Variants in DPYD observed in about 807,000 individuals in gnomAD.
The protein encoded by DPYD is dihydropyrimidine dehydrogenase [NADP(+)].
A neutral mutation model predicts 116.2 loss-of-function variants in DPYD; 109 were observed. The ratio of observed to expected loss-of-function variants is 0.94; its 90% confidence interval spans 0.80 to 1.10. DPYD has a LOEUF of 1.10. Ranked by LOEUF, DPYD falls within the 50% of genes least tolerant of loss-of-function variation. The pLI is 0.00. For synonymous variants in DPYD, 440 were observed against 432.0 expected, an observed-to-expected ratio of 1.02 and a Z score of -0.23; for missense variants, 1,302 against 1,254.5, an observed-to-expected ratio of 1.04 and a Z score of -0.57.
At chr1:97,658,643 G>T (rs1240527992) in intron 8 of DPYD, among the ~76,000 whole-genome samples, 1 of 151,984 alleles carries the variant, frequency 6.6e-6, no homozygotes, top group African/African-American at 2.4e-5. Flanking sequence ...TCACTCTCCT[G>T]CACTGTATAA....
In DPYD at chr1:97,156,175, A is replaced by C. The variant is rs141472558; in HGVS notation, c.2622+36894T>G. ...AATCTGTAGTTATTTGAAATGAATA[A>C]ATTTTTTTTACCTTGGATTAGAGAA... On this transcript the variant is annotated intron_variant, in intron 20 of 22. Transcript: ENST00000370192. Among the ~76,000 whole-genome samples the C allele has an allele frequency of 9.0e-3, 1,373 of 152,006 alleles. 19 individuals carry two copies. Among genetic ancestry groups the C allele is most frequent in the African/African-American group, 0.032 (1,308 of 41,332 alleles).
At chr1:97,333,643 C>T (rs949720658) in intron 16 of DPYD, among the ~76,000 whole-genome samples, 7 of 151,070 alleles carry the variant, frequency 4.6e-5, no homozygotes, top group Non-Finnish European at 8.8e-5. Context: ...GCCTCAGCCT[C>T]CCGAGTAGCC....
At chr1:97,633,630 G>A (rs1271910047) in intron 8 of DPYD, among the ~76,000 whole-genome samples, 1 of 152,036 alleles carries the variant, frequency 6.6e-6, no homozygotes, top group Admixed American at 6.6e-5. Flanking sequence ...TCTGTCAAGG[G>A]GGCCTGCAAA....
At chr1:97,210,962 T>C (rs1659994091) in intron 19 of DPYD, among the ~76,000 whole-genome samples, 1 of 152,176 alleles carries the variant, frequency 6.6e-6, no homozygotes. Context: ...GAATCAATCA[T>C]GGTCTCTCAC....
At chr1:97,704,480 G>A (rs1661789801) in intron 5 of DPYD, among the ~76,000 whole-genome samples, 1 of 151,944 alleles carries the variant, frequency 6.6e-6, no homozygotes, top group African/African-American at 2.4e-5. Context: ...ACAAAAGTTA[G>A]TTAAAACAAA....
intron 6 of DPYD, among the ~76,000 whole-genome samples, chr1:97,695,721 A>C (rs1464096437): frequency 6.6e-6 from 1 of 152,090 alleles, no homozygotes; most frequent in Non-Finnish European, 1.5e-5. Flanking sequence ...GGAGTTGTTG[A>C]AAGATTTCAA....
chr1:97,882,721 A>C (rs80016823), intron 2 of DPYD, among the ~76,000 whole-genome samples: 2,368 of 152,120 alleles, frequency 0.016, 38 homozygotes, highest in Non-Finnish European at 0.025. Context: ...ATAATCTCAG[A>C]GAAATGCTGT....
At chr1:97,237,799 C>T (rs964206726) in intron 18 of DPYD, among the ~76,000 whole-genome samples, 87 of 152,298 alleles carry the variant, frequency 5.7e-4, no homozygotes, top group African/African-American at 2.0e-3. Flanking sequence ...GGCTTCTTTA[C>T]ATACACACTA....
chr1:97,508,980 T>C (rs1647571017), intron 13 of DPYD, among the ~76,000 whole-genome samples: 1 of 151,782 alleles, frequency 6.6e-6, no homozygotes, highest in African/African-American at 2.4e-5. Flanking sequence ...GATAAGACCA[T>C]ACGGAGATAC....
chr1:97,719,754 T>C (rs1357627192), intron 5 of DPYD: 1 of 984,984 alleles, frequency 1.0e-6, no homozygotes, highest in Admixed American at 6.2e-5. Context: ...ACAAAAAGCT[T>C]TTCTCAGTAG....
chr1:97,830,715 A>AG (rs906092575), intron 2 of DPYD, among the ~76,000 whole-genome samples: 3 of 151,968 alleles, frequency 2.0e-5, no homozygotes, highest in African/African-American at 7.3e-5. Flanking sequence ...CTCAAAAAAA[A>AG]AAAAAAAGAG....
rs142619737 is a variant in DPYD at position 97,515,851 on chromosome 1, C to T, written c.1615G>A (p.Gly539Arg). The T allele has an allele frequency of 1.0e-4, 169 of 1,612,792 alleles. No individual in the cohort carries two copies. The African/African-American group carries it at 2.0e-3, about 19-fold the overall frequency. ...CCAAAAGGATTTATAAACTTCAATC[C>T]GGCCATTTCTACACTAATGTCCACC... ...DLVDISVEMAGLKFINPFGLA... is the reference protein window; with the variant it reads ...DLVDISVEMARLKFINPFGLA... The change falls in exon 13 of 23, where the codon GGA (glycine) becomes AGA (arginine). Residue 539 changes from glycine to arginine, a missense_variant. Coordinates refer to ENST00000370192, the MANE Select transcript of DPYD (RefSeq NM_000110.4).
At chr1:97,316,500 C>T (rs1035875647) in intron 16 of DPYD, among the ~76,000 whole-genome samples, 2 of 113,008 alleles carry the variant, frequency 1.8e-5, no homozygotes, top group African/African-American at 5.4e-5. Context: ...GGAGACAGAG[C>T]AAGACTCTGT....
chr1:97,918,599 T>C lies in DPYD; in HGVS notation c.39+2285A>G, dbSNP rs560207635. Among the ~76,000 whole-genome samples, 3 of 152,296 alleles carry C rather than the reference T, an allele frequency of 2.0e-5. No homozygotes were observed. In the South Asian group the frequency reaches 6.2e-4, roughly 32 times the overall value. On this transcript the variant is annotated intron_variant, in intron 1 of 22. Coordinates refer to ENST00000370192, the MANE Select transcript of DPYD (RefSeq NM_000110.4). ...TCCTGATGTGATATTGGATTCAGAC[T>C]AGAAATTATGAAGCAGGCACACAAA...
At chr1:97,106,784 T>C (rs1413427542) in intron 20 of DPYD, among the ~76,000 whole-genome samples, 2 of 151,960 alleles carry the variant, frequency 1.3e-5, no homozygotes, top group African/African-American at 4.8e-5. Flanking sequence ...CTGGCCTCTA[T>C]AACAACGTGA....
At chr1:97,309,849 A>G (rs985224384) in intron 16 of DPYD, among the ~76,000 whole-genome samples, 2 of 151,808 alleles carry the variant, frequency 1.3e-5, no homozygotes, top group African/African-American at 2.4e-5. Flanking sequence ...TAATTCTAGT[A>G]ACTACTCTGT....
chr1:97,624,996 T>G (rs2100779475), intron 8 of DPYD, among the ~76,000 whole-genome samples: 1 of 152,144 alleles, frequency 6.6e-6, no homozygotes, highest in Middle Eastern at 3.4e-3. Context: ...GGGTAAAATC[T>G]CAGACCATAA....
chr1:97,242,190 A>G (rs1662421634), intron 18 of DPYD, among the ~76,000 whole-genome samples: 1 of 127,512 alleles, frequency 7.8e-6, no homozygotes. Context: ...TCTTTTTTGA[A>G]GAATCTGTTC....
At chr1:97,709,548 C>A (rs1016548328) in intron 5 of DPYD, among the ~76,000 whole-genome samples, 13 of 151,646 alleles carry the variant, frequency 8.6e-5, no homozygotes, top group African/African-American at 3.1e-4. Context: ...TTCACCACTC[C>A]AAATTGACTT....
Sources: allele counts gnomAD v4.1 joint callset (sites outside exome capture counted in the v4.1 genomes callset), GRCh38; gene constraint gnomAD v4.1.1; transcripts MANE v1.5; gene names NCBI Gene and HGNC (gene_info 2026-07-23, HGNC 2026-07-21).